NSMAF: variants seen among roughly 807,000 people sequenced by gnomAD.
The protein encoded by NSMAF is protein FAN.
A neutral mutation model predicts 134.9 loss-of-function variants in NSMAF; 90 were observed. The observed-to-expected ratio is 0.67, with a 90% confidence interval of 0.56 to 0.79. The LOEUF (loss-of-function observed/expected upper bound fraction) is 0.79. Among genes scored for constraint, NSMAF ranks in the 30% least tolerant of loss-of-function variants. NSMAF has a pLI of 0.00. For synonymous variants in NSMAF, 358 were observed against 389.6 expected (o/e 0.92, Z 0.96); for missense variants, 1,010 against 1,119.0 (o/e 0.90, Z 1.39).
Position 58,597,623 on chromosome 8 carries a change from T to C in NSMAF, c.1629-73A>G, listed in dbSNP as rs979003183. ...CCTTGAAAGCACGCATTTCAAATAG[T>C]ACTGATCAATAGGAGGGACTAACCC... On this transcript the variant is annotated intron_variant, in intron 20 of 30. Coordinates refer to ENST00000038176, the MANE Select transcript of NSMAF (RefSeq NM_003580.4). The C allele has an allele frequency of 3.6e-6, 5 of 1,382,420 alleles. No homozygotes were observed. The African/African-American group carries it at 7.1e-5, about 20-fold the overall frequency. The allele number at this position is 1,382,420 out of a possible 1,614,324, so 85.6% of individuals were successfully genotyped here.
In NSMAF at chr8:58,625,045, A is replaced by G. The variant is rs1396285973; in HGVS notation, c.385-1265T>C. 3.3e-5 allele frequency among the ~76,000 whole-genome samples: 5 copies of G among 152,286 alleles called. No homozygotes were observed. In the South Asian group the frequency reaches 8.3e-4, roughly 25 times the overall value. On this transcript the variant is annotated intron_variant, in intron 6 of 30. Transcript: ENST00000038176. The stretch of plus-strand genomic sequence containing the variant: ...GGTGTATCTGTGAGGATGTTTCTGG[A>G]TGAGATTAGCATTTGAATTAGGAGA...
At position 58,610,241 on chromosome 8, in the gene NSMAF, C is replaced by T. The variant is rs145238522; in HGVS notation, c.558-508G>A. 3.4e-3 allele frequency among the ~76,000 whole-genome samples: 525 copies of T among 152,206 alleles called. 7 individuals are homozygous for T. Among genetic ancestry groups the T allele is most frequent in the Admixed American group, 4.6e-3 (70 of 15,288 alleles). The stretch of plus-strand genomic sequence containing the variant: ...AGTATATCCCTCTGTGAATTTACTG[C>T]AGAAAACCTCTGAAAAATGATCTCT... On this transcript the variant is annotated intron_variant, in intron 9 of 30. Coordinates refer to ENST00000038176, the MANE Select transcript of NSMAF (RefSeq NM_003580.4).
At chr8:58,617,682 G>C (rs1281824530) in intron 9 of NSMAF, among the ~76,000 whole-genome samples, 3 of 152,158 alleles carry the variant, frequency 2.0e-5, no homozygotes, top group Non-Finnish European at 4.4e-5. Flanking sequence ...AGAGGATGTG[G>C]AGAAATAGGA....
chr8:58,645,793 C>A (rs759908128), intron 1 of NSMAF, among the ~76,000 whole-genome samples: 1 of 152,176 alleles, frequency 6.6e-6, no homozygotes, highest in African/African-American at 2.4e-5. Flanking sequence ...GTAATCCCAG[C>A]ACTTCGGGAG....
intron 1 of NSMAF, 81 bp from the exon 2 acceptor site, chr8:58,643,154 C>A: frequency 9.9e-7 from 1 of 1,005,642 alleles, no homozygotes; most frequent in South Asian, 1.3e-5. Flanking sequence ...CGTCTGATCC[C>A]AAAAAGCTTT....
intron 1 of NSMAF, among the ~76,000 whole-genome samples, chr8:58,643,783 G>A (rs1310837958): frequency 6.6e-6 from 1 of 151,980 alleles, no homozygotes; most frequent in South Asian, 2.1e-4. Flanking sequence ...CACCCACCTC[G>A]GCCTCCCAAA....
intron 2 of NSMAF, among the ~76,000 whole-genome samples, chr8:58,635,846 C>T (rs1057230411): frequency 6.6e-6 from 1 of 152,122 alleles, no homozygotes; most frequent in Non-Finnish European, 1.5e-5. Flanking sequence ...AATCCAGAAA[C>T]ATCACACTGA....
Position 58,593,153 on chromosome 8 carries a change from A to G in NSMAF, c.1951+1079T>C, listed in dbSNP as rs554361848. ...GAGGCTATAATTTTTGGCAAACTCCACAGGTAGAAATCCTGGCAAAATACA... is the reference window on the plus strand; with the variant it reads ...GAGGCTATAATTTTTGGCAAACTCCGCAGGTAGAAATCCTGGCAAAATACA... On this transcript the variant is annotated intron_variant, in intron 23 of 30. Coordinates refer to ENST00000038176, the MANE Select transcript of NSMAF (RefSeq NM_003580.4). 2.0e-5 allele frequency among the ~76,000 whole-genome samples: 3 copies of G among 152,350 alleles called. No homozygotes were observed. In the South Asian group the frequency reaches 6.2e-4, roughly 32 times the overall value.
At chr8:58,648,523 G>A (rs1413123481) in intron 1 of NSMAF, among the ~76,000 whole-genome samples, 1 of 152,216 alleles carries the variant, frequency 6.6e-6, no homozygotes, top group East Asian at 1.9e-4. Flanking sequence ...AATGGGGAAG[G>A]CCTCAAAGTC....
chr8:58,639,904 C>T (rs1038809199), intron 2 of NSMAF: 10 of 322,796 alleles, frequency 3.1e-5, no homozygotes, highest in African/African-American at 2.2e-4. Flanking sequence ...AGGACAAATA[C>T]TACATGATTT....
chr8:58,586,677 G>A, intron 27 of NSMAF, 69 bp from the exon 28 acceptor site: 1 of 1,309,184 alleles, frequency 7.6e-7, no homozygotes, highest in Non-Finnish European at 1.1e-6. Context: ...TCTCTAGTCT[G>A]GTTCAAATAT....
intron 2 of NSMAF, among the ~76,000 whole-genome samples, chr8:58,637,073 C>T (rs765899015): frequency 2.8e-4 from 43 of 152,002 alleles, no homozygotes; most frequent in African/African-American, 6.3e-4. Flanking sequence ...TATAAAATTA[C>T]GTACTCATGA....
At position 58,597,443 on chromosome 8, in the gene NSMAF, T is replaced by C. The variant is rs911827746; in HGVS notation, c.1736A>G (p.Lys579Arg). The C allele has an allele frequency of 6.2e-7, 1 of 1,614,166 alleles. No homozygotes were observed. Among genetic ancestry groups the C allele is most frequent in the Non-Finnish European group, 8.5e-7 (1 of 1,179,990 alleles). Residue 579 changes from lysine to arginine, a missense_variant, in exon 21 of 31, where the codon AAG (lysine) becomes AGG (arginine). Physicochemically the swap from Lys to Arg is conservative, Grantham distance 26. Coordinates refer to ENST00000038176, the MANE Select transcript of NSMAF (RefSeq NM_003580.4). ...GGAGGTCTGGGACAAACTTTTAAAC[T>C]TTGGGGTGATCCTTCGAGGATGTGG... ...VTPHPRRITP[K>R]FKSLSQTSSY...
intron 5 of NSMAF, among the ~76,000 whole-genome samples, chr8:58,632,210 T>C (rs1807070024): frequency 6.6e-6 from 1 of 152,072 alleles, no homozygotes; most frequent in Non-Finnish European, 1.5e-5. Flanking sequence ...TACTGCACTC[T>C]CTCCCTTTTA....
chr8:58,653,944 C>T lies in NSMAF; in HGVS notation c.59+5629G>A, dbSNP rs112566612. On this transcript the variant is annotated intron_variant, in intron 1 of 30. Coordinates refer to ENST00000038176, the MANE Select transcript of NSMAF (RefSeq NM_003580.4). Reference sequence around the variant, plus strand: ...GATAAAAGGAAAGTAAGTGGGTAGGCTAGTAATACATTTTGGGTAAAGTCA... The same window carrying T: ...GATAAAAGGAAAGTAAGTGGGTAGGTTAGTAATACATTTTGGGTAAAGTCA... Among the ~76,000 whole-genome samples the T allele has an allele frequency of 8.8e-3, 1,338 of 152,234 alleles. 21 individuals are homozygous for T. The highest frequency in any genetic ancestry group is 0.03 in the African/African-American group (1,262 of 41,538).
Position 58,597,453 on chromosome 8 carries a change from T to A in NSMAF, c.1726A>T (p.Ile576Phe), listed in dbSNP as rs747541419. The A allele has an allele frequency of 3.1e-6, 5 of 1,614,044 alleles. No individual in the cohort carries two copies. Among genetic ancestry groups the A allele is most frequent in the Admixed American group, 3.3e-5 (2 of 60,008 alleles). ...GACAAACTTTTAAACTTTGGGGTGA[T>A]CCTTCGAGGATGTGGTGTCACAAAT... ...QLFVTPHPRR[I>F]TPKFKSLSQT... The change falls in exon 21 of 31, where the codon ATC (isoleucine) becomes TTC (phenylalanine). Residue 576 changes from isoleucine to phenylalanine, a missense_variant. By Grantham distance (21) the Ile-to-Phe change is conservative. Coordinates refer to ENST00000038176, the MANE Select transcript of NSMAF (RefSeq NM_003580.4).
chr8:58,637,676 A>C (rs1398515737), intron 2 of NSMAF, among the ~76,000 whole-genome samples: 1 of 152,230 alleles, frequency 6.6e-6, no homozygotes, highest in Non-Finnish European at 1.5e-5. Context: ...ATATACAAAA[A>C]ACAGCGTTGC....
chr8:58,642,075 T>C (rs921458581), intron 2 of NSMAF, among the ~76,000 whole-genome samples: 1 of 152,212 alleles, frequency 6.6e-6, no homozygotes, highest in Non-Finnish European at 1.5e-5. Context: ...TCTAATTTGA[T>C]TGAATGCCAA....
At chr8:58,588,846 G>A (rs1216298669) in intron 26 of NSMAF, 3 of 731,776 alleles carry the variant, frequency 4.1e-6, no homozygotes, top group Non-Finnish European at 4.9e-6. Context: ...CATGGCAGAT[G>A]AAAGGGGCTG....
Sources: gnomAD v4.1 joint callset for allele counts (sites outside exome capture counted in the v4.1 genomes callset) on GRCh38, gnomAD v4.1.1 for gene constraint, MANE v1.5 for transcripts, NCBI Gene and HGNC (gene_info 2026-07-23, HGNC 2026-07-21) for gene names.